Variants in C3orf20 observed in about 807,000 individuals in gnomAD.
C3orf20 encodes family with sequence similarity 149 member C.
A neutral mutation model predicts 88.3 loss-of-function variants in C3orf20; 76 were observed. The observed-to-expected ratio is 0.86, with a 90% CI of 0.72 to 1.04. The LOEUF (loss-of-function observed/expected upper bound fraction) is 1.04, where lower values mean the gene tolerates loss of function less well. Among genes scored for constraint, C3orf20 ranks in the 50% least tolerant of loss-of-function variants. The probability of loss-of-function intolerance (pLI) is 0.00; values close to 1 mark genes in which losing one functional copy is unlikely to be tolerated. For synonymous variants in C3orf20, 436 were observed against 437.4 expected, an observed-to-expected ratio of 1.00 and a Z score of 0.04; for missense variants, 1,056 against 1,123.3, an observed-to-expected ratio of 0.94 and a Z score of 0.86.
In C3orf20 at chr3:14,701,441, CT is replaced by C. The variant is rs763300804; in HGVS notation, c.746-1688del. ...GTCAGAGGTTCATTGTAGGTAGGAC[CT>C]GACACAAATGACTAAATAGATGCCC... On this transcript the variant is annotated intron_variant, in intron 5 of 16. Transcript: ENST00000253697. The surrounding 1 kb of genome is among the most constrained non-coding windows in gnomAD (Gnocchi z 4.6). Among the ~76,000 whole-genome samples, 2 of 149,728 alleles carry C rather than the reference CT, an allele frequency of 1.3e-5. No homozygotes were observed. Among genetic ancestry groups the C allele is most frequent in the East Asian group, 4.0e-4 (2 of 5,062 alleles).
At chr3:14,749,543 G>C (rs80317921) in intron 12 of C3orf20, among the ~76,000 whole-genome samples, 4,635 of 152,018 alleles carry the variant, frequency 0.03, 224 homozygotes, top group African/African-American at 0.1. Flanking sequence ...AGTTGGATTT[G>C]CATTCCACTG....
intron 12 of C3orf20, among the ~76,000 whole-genome samples, chr3:14,750,408 C>T (rs1022959559): frequency 6.6e-6 from 1 of 152,072 alleles, no homozygotes; most frequent in Non-Finnish European, 1.5e-5. Flanking sequence ...CTCTACGAAA[C>T]AGCCAGGAGT....
chr3:14,694,965 A>AT (rs1377849131), intron 5 of C3orf20, among the ~76,000 whole-genome samples: 1 of 151,890 alleles, frequency 6.6e-6, no homozygotes, highest in East Asian at 1.9e-4. Context: ...TAATTTTTGT[A>AT]TTTTTAGTAG....
chr3:14,737,572 C>G (rs936966889), intron 12 of C3orf20, among the ~76,000 whole-genome samples: 2 of 152,230 alleles, frequency 1.3e-5, no homozygotes, highest in African/African-American at 4.8e-5. Flanking sequence ...ACATCTGAGA[C>G]TTCAGCAAGT....
At chr3:14,722,042 C>T (rs1428256828) in intron 10 of C3orf20, 1 of 412,020 alleles carries the variant, frequency 2.4e-6, no homozygotes, top group Admixed American at 3.9e-5. Context: ...AATATAGTGG[C>T]TCAATAAACT....
rs1210660712 is a variant in C3orf20, at chr3:14,715,357, A to G, written c.1382A>G (p.His461Arg). The change falls in exon 9 of 17, where the codon CAC (histidine) becomes CGC (arginine). Residue 461 changes from histidine to arginine, a missense_variant. Coordinates refer to ENST00000253697, the MANE Select transcript of C3orf20 (RefSeq NM_032137.5). ...AATGACCAGCAGGGCTATGTAGTCC[A>G]CAAGTGGAGCTGGACTTCCAGGACA... Reference protein sequence around the residue: ...TTNDQQGYVVHKWSWTSRTET... With the variant: ...TTNDQQGYVVRKWSWTSRTET... 16 of 1,612,468 alleles carry G rather than the reference A, an allele frequency of 9.9e-6. No homozygotes were observed. The highest frequency in any genetic ancestry group is 1.7e-5 in the Admixed American group (1 of 59,996).
At chr3:14,720,093 G>A (rs1033196513) in intron 9 of C3orf20, among the ~76,000 whole-genome samples, 3 of 152,052 alleles carry the variant, frequency 2.0e-5, no homozygotes, top group East Asian at 1.9e-4. Flanking sequence ...GTAGTGGCGT[G>A]ATCTCAGCTC....
chr3:14,725,312 T>C (rs1000324625), intron 10 of C3orf20, among the ~76,000 whole-genome samples: 3 of 152,142 alleles, frequency 2.0e-5, no homozygotes, highest in African/African-American at 7.2e-5. Context: ...TTGGGGCTCC[T>C]CCCTCCAAGT....
At chr3:14,749,028 G>A (rs140408669) in intron 12 of C3orf20, among the ~76,000 whole-genome samples, 5 of 152,188 alleles carry the variant, frequency 3.3e-5, no homozygotes, top group African/African-American at 7.2e-5. Context: ...TATCCTATCC[G>A]TTATCAAAAG....
chr3:14,770,822 G>A (rs1283568088), intron 15 of C3orf20, among the ~76,000 whole-genome samples: 1 of 152,208 alleles, frequency 6.6e-6, no homozygotes, highest in Non-Finnish European at 1.5e-5. Flanking sequence ...TGGACTTCGG[G>A]GCCCTTGTCA....
chr3:14,713,472 G>T (rs2033824064), intron 7 of C3orf20, among the ~76,000 whole-genome samples: 1 of 152,136 alleles, frequency 6.6e-6, no homozygotes, highest in Admixed American at 6.6e-5. Context: ...GGGCTTCTTG[G>T]GGCCTCTTTA....
intron 1 of C3orf20, among the ~76,000 whole-genome samples, chr3:14,679,510 C>T (rs1360336327): frequency 7.9e-5 from 12 of 152,170 alleles, no homozygotes; most frequent in Non-Finnish European, 1.2e-4. Flanking sequence ...ATCAGGAGCC[C>T]GGGCTCTGCT....
Position 14,772,178 on chromosome 3 carries a change from G to C in C3orf20, c.2607G>C (p.Lys869Asn). 1.2e-6 allele frequency: 2 copies of C among 1,614,272 alleles called. No homozygotes were observed. Residue 869 changes from lysine (K) to asparagine (N), a missense_variant, in exon 16 of 17, where the codon AAG becomes AAC. By Grantham distance (94) the Lys-to-Asn change is moderately conservative. Transcript: ENST00000253697. This position sits in a 1 kb window ranked among gnomAD's most constrained non-coding sequence, Gnocchi z 4.2. ...SSLALEDYVE[K>N]ELSLEAEKTR... ...TGGCCCTGGAAGACTATGTGGAGAA[G>C]GAGTTATCTCTGGAGGCTGAGAAGT...
chr3:14,695,596 A>C (rs1023905257), intron 5 of C3orf20, among the ~76,000 whole-genome samples: 6 of 152,036 alleles, frequency 3.9e-5, no homozygotes, highest in African/African-American at 1.4e-4. Flanking sequence ...GGGTGTTGCT[A>C]TCTCCAGCTA....
intron 7 of C3orf20, among the ~76,000 whole-genome samples, chr3:14,708,042 T>C (rs1395179931): frequency 1.3e-5 from 2 of 152,088 alleles, no homozygotes; most frequent in Non-Finnish European, 2.9e-5. Flanking sequence ...GGTCTTGAAC[T>C]CACTCCTGAC....
At chr3:14,756,904 C>G (rs1189367612) in intron 12 of C3orf20, among the ~76,000 whole-genome samples, 1 of 152,138 alleles carries the variant, frequency 6.6e-6, no homozygotes, top group Non-Finnish European at 1.5e-5. Flanking sequence ...ATCCCTTGGT[C>G]TGAGAACAGA....
In C3orf20 at chr3:14,757,821, G is replaced by A. The variant is rs1430240617; in HGVS notation, c.2244+147G>A. On this transcript the variant is annotated intron_variant, in intron 13 of 16. Coordinates refer to ENST00000253697, the MANE Select transcript of C3orf20 (RefSeq NM_032137.5). ...GCTCCTTTCTCCTTGGAGTCTTTGT[G>A]TGTACTCTCCTGTCTGCAGTGTCCT... 1.3e-5 allele frequency: 9 copies of A among 711,836 alleles called. No individual in the cohort carries two copies. In the Admixed American group the frequency reaches 2.0e-4, roughly 16 times the overall value. The allele number at this position is 711,836 out of a possible 1,614,324, so 44.1% of individuals were successfully genotyped here.
At chr3:14,705,475 G>A (rs548638366) in intron 7 of C3orf20, among the ~76,000 whole-genome samples, 3 of 152,348 alleles carry the variant, frequency 2.0e-5, no homozygotes, top group East Asian at 1.9e-4. Flanking sequence ...AGATAATGAA[G>A]TTAATAGACC....
At chr3:14,726,412 C>T (rs62233798) in intron 10 of C3orf20, among the ~76,000 whole-genome samples, 57,641 of 152,108 alleles carry the variant, frequency 0.38, 11,163 homozygotes, top group Middle Eastern at 0.45. Context: ...TGCACCGCAG[C>T]ATCCACTGCA....
Sources: gnomAD v4.1 joint callset for allele counts (sites outside exome capture counted in the v4.1 genomes callset) on GRCh38, gnomAD v4.1.1 for gene constraint, Gnocchi (gnomAD v3.1) non-coding constraint, MANE v1.5 for transcripts, NCBI Gene and HGNC (gene_info 2026-07-23, HGNC 2026-07-21) for gene names.